The following RHPN2 variants were observed in gnomAD, a reference collection of about 807,000 sequenced individuals.
The protein encoded by RHPN2 is rhophilin-2.
Under a neutral mutation model 79.0 loss-of-function variants are expected in RHPN2, and 40 were observed. The observed-to-expected ratio is 0.51, with a 90% confidence interval of 0.39 to 0.66. The LOEUF (loss-of-function observed/expected upper bound fraction) is 0.66, where lower values mean the gene tolerates loss of function less well. RHPN2 is among the 30% of genes least tolerant of loss of function. The pLI, the probability that RHPN2 is intolerant of heterozygous loss-of-function variation, is 0.00. For synonymous variants in RHPN2, 285 were observed against 363.5 expected (o/e 0.78, Z 2.46); for missense variants, 686 against 883.5 (o/e 0.78, Z 2.83).
At chr19:33,019,275 T>C (rs1362055712) in intron 4 of RHPN2, among the ~76,000 whole-genome samples, 8 of 151,756 alleles carry the variant, frequency 5.3e-5, no homozygotes, top group African/African-American at 1.9e-4. Context: ...GGAAACTCTG[T>C]CTTTACGAAA....
chr19:33,032,016 CTTTTT>C (rs34807523), intron 2 of RHPN2, among the ~76,000 whole-genome samples: 8 of 91,386 alleles, frequency 8.8e-5, no homozygotes, highest in African/African-American at 3.8e-4. Context: ...CCGGGCCGGT[CTTTTT>C]TTTTTTTTTT....
intron 1 of RHPN2, 93 bp downstream of exon 1, chr19:33,064,691 C>T (rs1177601786): frequency 2.9e-6 from 4 of 1,355,962 alleles, no homozygotes; most frequent in African/African-American, 1.5e-5. Flanking sequence ...GCCTAGTGGA[C>T]CCCGACTGCG....
chr19:33,060,600 A>G (rs1972271654), intron 1 of RHPN2, among the ~76,000 whole-genome samples: 1 of 151,072 alleles, frequency 6.6e-6, no homozygotes, highest in African/African-American at 2.4e-5. Flanking sequence ...TGACATGATA[A>G]CAGCTCACTG....
chr19:32,991,298 A>C (rs1272434979), intron 13 of RHPN2: 3 of 195,916 alleles, frequency 1.5e-5, no homozygotes, highest in Non-Finnish European at 3.2e-5. Flanking sequence ...TCTACTAAAA[A>C]CACACAAAAA....
chr19:32,997,437 G>A (rs905653597), intron 10 of RHPN2, among the ~76,000 whole-genome samples: 1 of 152,014 alleles, frequency 6.6e-6, no homozygotes. Context: ...AAGCGGAGAT[G>A]GTAAGAGAAG....
intron 1 of RHPN2, among the ~76,000 whole-genome samples, chr19:33,053,502 C>T (rs1432857077): frequency 6.7e-6 from 1 of 150,096 alleles, no homozygotes; most frequent in Non-Finnish European, 1.5e-5. Context: ...TGGCTCACTA[C>T]AACCTCTGCC....
intron 1 of RHPN2, among the ~76,000 whole-genome samples, chr19:33,045,262 G>C (rs916623249): frequency 7.2e-5 from 11 of 151,882 alleles, no homozygotes; most frequent in Admixed American, 1.3e-4. Flanking sequence ...ATGTTGCCCA[G>C]GCTCGTCTTG....
chr19:33,027,856 T>C (rs1971980749), intron 2 of RHPN2, among the ~76,000 whole-genome samples: 1 of 152,150 alleles, frequency 6.6e-6, no homozygotes, highest in Admixed American at 6.6e-5. Flanking sequence ...AAAGAGAATT[T>C]ATGAAATCTG....
At chr19:33,050,014 G>T (rs1253068744) in intron 1 of RHPN2, among the ~76,000 whole-genome samples, 1 of 152,166 alleles carries the variant, frequency 6.6e-6, no homozygotes, top group Non-Finnish European at 1.5e-5. Flanking sequence ...GCCCATGATG[G>T]CCTGGTGGGG....
At chr19:32,989,907 A>T (rs1971640986) in intron 14 of RHPN2, among the ~76,000 whole-genome samples, 1 of 152,158 alleles carries the variant, frequency 6.6e-6, no homozygotes, top group Non-Finnish European at 1.5e-5. Context: ...GATCGAGTCC[A>T]GCCTGGCTAA....
intron 11 of RHPN2, among the ~76,000 whole-genome samples, chr19:32,995,708 A>T (rs1240874561): frequency 5.3e-5 from 8 of 151,912 alleles, no homozygotes; most frequent in African/African-American, 2.4e-5. Context: ...AAAATCCAAA[A>T]ATTAGCTGGG....
At chr19:33,058,507 C>T (rs778800314) in intron 1 of RHPN2, among the ~76,000 whole-genome samples, 5 of 152,164 alleles carry the variant, frequency 3.3e-5, no homozygotes, top group African/African-American at 4.8e-5. Context: ...AGTCACCAGG[C>T]GCAGTGGCTC....
chr19:33,022,118 T>TA (rs1484760788), intron 3 of RHPN2, among the ~76,000 whole-genome samples: 10 of 148,880 alleles, frequency 6.7e-5, no homozygotes, highest in Non-Finnish European at 1.5e-4. Flanking sequence ...TTTTTGTATA[T>TA]TTTTTTAGTA....
chr19:33,054,293 G>A (rs537257546), intron 1 of RHPN2, among the ~76,000 whole-genome samples: 177 of 145,868 alleles, frequency 1.2e-3, no homozygotes, highest in African/African-American at 3.9e-3. Context: ...CCCCACCTCC[G>A]AGGTTCAAGC....
intron 12 of RHPN2, 89 bp downstream of exon 12, chr19:32,993,888 T>C (rs1971679884): frequency 2.1e-6 from 2 of 957,058 alleles, no homozygotes; most frequent in Non-Finnish European, 3.4e-6. Flanking sequence ...CATTTTGTTA[T>C]AGCAGCCCAC....
chr19:33,050,021 G>A (rs992079109), intron 1 of RHPN2, among the ~76,000 whole-genome samples: 5 of 152,136 alleles, frequency 3.3e-5, no homozygotes, highest in South Asian at 2.1e-4. Flanking sequence ...ATGGCCTGGT[G>A]GGGGGCAGGG....
chr19:33,049,961 C>T (rs981426598), intron 1 of RHPN2, among the ~76,000 whole-genome samples: 7 of 152,158 alleles, frequency 4.6e-5, no homozygotes, highest in African/African-American at 1.7e-4. Context: ...CACCCCACAT[C>T]TTTTGGGGGA....
chr19:32,997,158 C>CA (rs1169413749), intron 10 of RHPN2, among the ~76,000 whole-genome samples: 1 of 152,168 alleles, frequency 6.6e-6, no homozygotes, highest in Non-Finnish European at 1.5e-5. Flanking sequence ...CTTAGCCTCC[C>CA]AGACTGCTGG....
chr19:32,994,171 G>A (rs1971682744), intron 11 of RHPN2, 118 bp from the exon 12 acceptor site: 1 of 725,832 alleles, frequency 1.4e-6, no homozygotes, highest in Non-Finnish European at 2.5e-6. Flanking sequence ...TGAGGCAGGT[G>A]GATCACTTGA....
Sources: gnomAD v4.1 joint callset for allele counts (sites outside exome capture counted in the v4.1 genomes callset) on GRCh38, gnomAD v4.1.1 for gene constraint, MANE v1.5 for transcripts, NCBI Gene and HGNC (gene_info 2026-07-23, HGNC 2026-07-21) for gene names.